Variants in BAHCC1 observed in about 807,000 individuals in gnomAD.
The protein encoded by BAHCC1 is BAH and coiled-coil domain-containing protein 1.
A neutral mutation model predicts 88.2 loss-of-function variants in BAHCC1; 43 were observed. The observed-to-expected ratio is 0.49, with a 90% CI of 0.38 to 0.63. The LOEUF (loss-of-function observed/expected upper bound fraction) is 0.63, where lower values mean the gene tolerates loss of function less well. Among genes scored for constraint, BAHCC1 ranks in the 20% least tolerant of loss-of-function variants. The pLI, the probability that BAHCC1 is intolerant of heterozygous loss-of-function variation, is 0.00. For missense variants in BAHCC1, 3,023 were observed against 1,654.8 expected (o/e 1.83, Z -14.34); for synonymous variants, 1,510 against 745.5 (o/e 2.03, Z -16.71).
chr17:81,457,296 G>A (rs1312191230), intron 16 of BAHCC1, 114 bp from the exon 17 acceptor site: 15 of 649,626 alleles, frequency 2.3e-5, no homozygotes, highest in Non-Finnish European at 4.2e-5. Flanking sequence ...GGGTGACGGT[G>A]ACCAGCTCCA....
At chr17:81,410,493 T>G (rs2063936208) in intron 2 of BAHCC1, among the ~76,000 whole-genome samples, 1 of 152,186 alleles carries the variant, frequency 6.6e-6, no homozygotes, top group African/African-American at 2.4e-5. Context: ...TTGCATGGTT[T>G]TGGTGTGAAG....
intron 2 of BAHCC1, among the ~76,000 whole-genome samples, chr17:81,409,038 C>T (rs147069071): frequency 0.012 from 1,856 of 152,336 alleles, 22 homozygotes; most frequent in Middle Eastern, 0.034. Context: ...AAAAGATGAA[C>T]GATTAACTCT....
chr17:81,433,183 C>T (rs1555651188), intron 3 of BAHCC1, among the ~76,000 whole-genome samples: 1 of 151,888 alleles, frequency 6.6e-6, no homozygotes, highest in Non-Finnish European at 1.5e-5. Flanking sequence ...GGATTGGGCA[C>T]TCCAGCTCCA....
At chr17:81,436,865 C>T (rs575650930) in intron 3 of BAHCC1, among the ~76,000 whole-genome samples, 3 of 151,562 alleles carry the variant, frequency 2.0e-5, no homozygotes, top group East Asian at 2.0e-4. Context: ...GCCTCCGTGT[C>T]GCAGGACTTC....
intron 10 of BAHCC1, chr17:81,446,772 C>T (rs1238651663): frequency 9.3e-6 from 6 of 644,920 alleles, no homozygotes; most frequent in East Asian, 3.0e-5. Context: ...ACGCTGGTCT[C>T]GAATTCCTGG....
chr17:81,413,580 C>T (rs1389150325), intron 2 of BAHCC1, among the ~76,000 whole-genome samples: 1 of 152,252 alleles, frequency 6.6e-6, no homozygotes, highest in East Asian at 1.9e-4. Context: ...CGTCTCAGCA[C>T]CTGTGGGAGG....
chr17:81,453,632 TG>T (rs538190391), intron 14 of BAHCC1, among the ~76,000 whole-genome samples: 49 of 149,362 alleles, frequency 3.3e-4, no homozygotes, highest in South Asian at 6.6e-4. Context: ...AGGTGTCTCC[TG>T]GGGGGGGGTC....
chr17:81,452,912 G>C, intron 14 of BAHCC1, 61 bp downstream of exon 14: 1 of 658,074 alleles, frequency 1.5e-6, no homozygotes. Flanking sequence ...CTCGAGGCTG[G>C]GGAGCAGGGT....
intron 17 of BAHCC1, 131 bp downstream of exon 17, chr17:81,457,723 G>A (rs1341481703): frequency 1.7e-6 from 1 of 596,102 alleles, no homozygotes; most frequent in East Asian, 2.9e-5. Flanking sequence ...GTAACCAGGA[G>A]GGAGGGCAGG....
At position 81,447,315 on chromosome 17, in the gene BAHCC1, C is replaced by G. The variant is rs1555654770; in HGVS notation, c.3443C>G (p.Pro1148Arg). ...GGACCCCAGGGGAAGGCAGCGGACC[C>G]CAGCCCACTAGAGGGGCTACAAGAA... The part of the protein sequence containing the change: ...ERGPQGKAAD[P>R]SPLEGLQELQ... The change falls in exon 11 of 28, where the codon CCC becomes CGC. Residue 1148 changes from proline to arginine, a missense_variant. Physicochemically the swap from Pro to Arg is moderately radical, Grantham distance 103. Coordinates refer to ENST00000675386, the MANE Select transcript of BAHCC1 (RefSeq NM_001377448.1). The G allele has an allele frequency of 9.4e-6, 7 of 743,700 alleles. No homozygotes were observed. Among genetic ancestry groups the G allele is most frequent in the Non-Finnish European group, 7.5e-6 (3 of 401,686 alleles). 46.1% of individuals were successfully genotyped at this position (743,700 alleles called of 1,614,324 possible). A position where few individuals can be genotyped will look rare whatever the true frequency, so the allele number is the denominator to read the frequency against.
At position 81,460,900 on chromosome 17, in the gene BAHCC1, C is replaced by T. The variant is rs1555659035; in HGVS notation, c.6237C>T (p.Ser2079=). 1 of 767,432 alleles carries T rather than the reference C, an allele frequency of 1.3e-6. No homozygotes were observed. The highest frequency in any genetic ancestry group is 2.4e-6 in the Non-Finnish European group (1 of 417,890). 47.5% of individuals were successfully genotyped at this position (767,432 alleles called of 1,614,324 possible). The part of the protein sequence containing the change: ...KAELLTSGAK[S]PTGASDHFLG... ...AACTCCTAACCTCAGGTGCCAAATCCCCCACGGGGGCCTCCGACCACTTCC... is the reference window on the plus strand; with the variant it reads ...AACTCCTAACCTCAGGTGCCAAATCTCCCACGGGGGCCTCCGACCACTTCC... The change falls in exon 26 of 28, where the codon TCC becomes TCT. Residue 2079 remains serine, a synonymous_variant. Transcript: ENST00000675386.
intron 3 of BAHCC1, among the ~76,000 whole-genome samples, chr17:81,428,427 G>C (rs1374902012): frequency 6.6e-6 from 1 of 152,180 alleles, no homozygotes; most frequent in Non-Finnish European, 1.5e-5. Flanking sequence ...CGCAACGGCC[G>C]CTGCCTGGTC....
At position 81,447,563 on chromosome 17, in the gene BAHCC1, G is replaced by A. The variant is rs534056742; in HGVS notation, c.3691G>A (p.Glu1231Lys). The A allele has an allele frequency of 3.0e-5, 23 of 756,862 alleles. No individual in the cohort carries two copies. The highest frequency in any genetic ancestry group is 9.0e-5 in the Admixed American group (5 of 55,268). 46.9% of individuals were successfully genotyped at this position (756,862 alleles called of 1,614,324 possible). A position where few individuals can be genotyped will look rare whatever the true frequency, so the allele number is the denominator to read the frequency against. Residue 1231 changes from glutamate (E) to lysine (K), a missense_variant, in exon 11 of 28, where the codon GAG becomes AAG. Glu to Lys is a moderately conservative substitution (Grantham distance 56). Transcript: ENST00000675386. Reference protein sequence around the residue: ...APEEDELEEDELGQQSMEDSE... With the variant: ...APEEDELEEDKLGQQSMEDSE... The stretch of plus-strand genomic sequence containing the variant: ...TGAGGAGGACGAGCTGGAGGAAGAC[G>A]AGCTGGGGCAGCAGAGCATGGAGGA...
chr17:81,452,254 GC>G (rs1166794838), intron 13 of BAHCC1, 147 bp downstream of exon 13: 11 of 485,938 alleles, frequency 2.3e-5, no homozygotes, highest in Non-Finnish European at 3.6e-5. Flanking sequence ...CATCGGGGAG[GC>G]CCCCCAGAGG....
At chr17:81,418,424 A>G (rs2064063066) in intron 2 of BAHCC1, among the ~76,000 whole-genome samples, 1 of 152,170 alleles carries the variant, frequency 6.6e-6, no homozygotes, top group African/African-American at 2.4e-5. Context: ...CGCAGCTCAG[A>G]ACTGAGCAGC....
intron 11 of BAHCC1, among the ~76,000 whole-genome samples, chr17:81,451,455 C>T (rs1464812849): frequency 6.6e-6 from 1 of 152,216 alleles, no homozygotes; most frequent in African/African-American, 2.4e-5. Context: ...CCAGCTGGCC[C>T]TGCCTTACCA....
rs1555659070 is a variant in BAHCC1 at position 81,461,008 on chromosome 17, G to A, written c.6345G>A (p.Gly2115=). ...KRKAVAAASK[G]PGVLQNLFQL... The stretch of plus-strand genomic sequence containing the variant: ...AGGCGGTGGCAGCGGCCAGCAAGGG[G>A]CCGGGGGTGCTGCAGAACCTCTTCC... The change falls in exon 26 of 28, where the codon GGG becomes GGA. Residue 2115 remains glycine (G), a synonymous_variant. Coordinates refer to ENST00000675386, the MANE Select transcript of BAHCC1 (RefSeq NM_001377448.1). 3 of 773,308 alleles carry A rather than the reference G, an allele frequency of 3.9e-6. No individual in the cohort carries two copies. The highest frequency in any genetic ancestry group is 2.4e-6 in the Non-Finnish European group (1 of 417,170). The allele number at this position is 773,308 out of a possible 1,614,324, so 47.9% of individuals were successfully genotyped here. A position where few individuals can be genotyped will look rare whatever the true frequency, so the allele number is the denominator to read the frequency against.
chr17:81,422,146 G>A (rs2064123858), intron 2 of BAHCC1, among the ~76,000 whole-genome samples: 1 of 152,118 alleles, frequency 6.6e-6, no homozygotes, highest in African/African-American at 2.4e-5. Flanking sequence ...CAAATAGCTG[G>A]GATTACAGGT....
chr17:81,398,638 C>G (rs1463263916), intron 1 of BAHCC1, among the ~76,000 whole-genome samples: 1 of 152,268 alleles, frequency 6.6e-6, no homozygotes, highest in African/African-American at 2.4e-5. Flanking sequence ...AGCCCCCAAT[C>G]CGCAGAGGAA....
Sources: allele counts gnomAD v4.1 joint callset (sites outside exome capture counted in the v4.1 genomes callset), GRCh38; gene constraint gnomAD v4.1.1; transcripts MANE v1.5; gene names NCBI Gene and HGNC (gene_info 2026-07-23, HGNC 2026-07-21).